The following SPTA1 variants were observed in gnomAD, a reference collection of about 807,000 sequenced individuals.
SPTA1 encodes the protein spectrin alpha chain, erythrocytic 1.
In SPTA1, 177 loss-of-function variants were observed where a neutral mutation model predicts 324.7. That is an observed-to-expected ratio of 0.55 (90% CI 0.48 to 0.62). The LOEUF is 0.62. SPTA1 is among the 20% of genes least tolerant of loss of function. SPTA1 has a pLI of 0.00. For missense variants in SPTA1, 3,162 were observed against 2,883.6 expected (o/e 1.10, Z -2.21); for synonymous variants, 1,195 against 1,041.3 (o/e 1.15, Z -2.84).
At chr1:158,647,403 T>C (rs568739781) in intron 27 of SPTA1, 136 bp downstream of exon 27, 4 of 1,099,752 alleles carry the variant, frequency 3.6e-6, no homozygotes, top group Non-Finnish European at 5.4e-6. Flanking sequence ...AACCTGAAAT[T>C]TTTTATGCCT....
intron 39 of SPTA1, among the ~76,000 whole-genome samples, chr1:158,628,742 AAAG>A (rs1213936918): frequency 2.6e-5 from 4 of 152,162 alleles, no homozygotes; most frequent in Admixed American, 2.6e-4. Flanking sequence ...TTCAAAAATA[AAAG>A]AAGAAACATT....
intron 12 of SPTA1, among the ~76,000 whole-genome samples, chr1:158,670,107 G>T (rs1194918092): frequency 6.6e-6 from 1 of 152,148 alleles, no homozygotes; most frequent in Non-Finnish European, 1.5e-5. Flanking sequence ...CCATGTCCAT[G>T]GCCAGTCTGT....
chr1:158,631,516 G>T (rs889554028), intron 39 of SPTA1, among the ~76,000 whole-genome samples: 5 of 152,008 alleles, frequency 3.3e-5, no homozygotes, highest in Admixed American at 2.6e-4. Context: ...CACACTGCTC[G>T]GGTGATAGGT....
Position 158,634,551 on chromosome 1 carries a change from C to A in SPTA1, c.5557G>T (p.Ala1853Ser), listed in dbSNP as rs779177728. 1 of 1,614,016 alleles carries A rather than the reference C, an allele frequency of 6.2e-7. No homozygotes were observed. The highest frequency in any genetic ancestry group is 8.5e-7 in the Non-Finnish European group (1 of 1,180,034). Reference protein sequence around the residue: ...VRGDCGDTLAATQSLLMKHEA... With the variant: ...VRGDCGDTLASTQSLLMKHEA... Reference sequence around the variant, plus strand: ...TTCTTCCTGTTCCTCACCTGAGTAGCAGCTAATGTATCTCCACAATCTCCT... The same window carrying A: ...TTCTTCCTGTTCCTCACCTGAGTAGAAGCTAATGTATCTCCACAATCTCCT... The change falls in exon 39 of 52, where the codon GCT becomes TCT. Residue 1853 changes from alanine (A) to serine (S), a missense_variant. Physicochemically the swap from Ala to Ser is moderately conservative, Grantham distance 99. Transcript: ENST00000643759.
rs201913251 is a variant in SPTA1 at position 158,671,344 on chromosome 1, A to G, written c.1598T>C (p.Ile533Thr). Residue 533 changes from isoleucine to threonine, a missense_variant and splice_region_variant, in exon 12 of 52, where the codon ATA becomes ACA. By Grantham distance (89) the Ile-to-Thr change is moderately conservative (BLOSUM62 -1). Coordinates refer to ENST00000643759, the MANE Select transcript of SPTA1 (RefSeq NM_003126.4). ...CCCAAACTAGGGCCAATTTCTTACT[A>G]TGATCTTCTCTTCCTGGGCAGTAAA... is the stretch of plus-strand genomic sequence containing the variant. ...EAFTAQEEKI[I>T]TVDKTATKLI... 64 of 1,613,054 alleles carry G rather than the reference A, an allele frequency of 4.0e-5. No individual in the cohort carries two copies. The highest frequency in any genetic ancestry group is 5.3e-5 in the African/African-American group (4 of 74,858).
intron 23 of SPTA1, 117 bp from the exon 24 acceptor site, chr1:158,651,585 C>A (rs1179321404): frequency 2.6e-6 from 2 of 755,296 alleles, no homozygotes; most frequent in East Asian, 5.0e-5. Context: ...CCGTAATACA[C>A]ACCAAGCTCC....
Position 158,636,708 on chromosome 1 carries a change from A to G in SPTA1, c.5243T>C (p.Val1748Ala). The G allele has an allele frequency of 1.9e-6, 3 of 1,613,608 alleles. No individual in the cohort carries two copies. Among genetic ancestry groups the G allele is most frequent in the Non-Finnish European group, 8.5e-7 (1 of 1,179,926 alleles). Residue 1748 changes from valine (V) to alanine (A), a missense_variant, in exon 37 of 52, where the codon GTT (valine) becomes GCT (alanine). Coordinates refer to ENST00000643759, the MANE Select transcript of SPTA1 (RefSeq NM_003126.4). ...SQDYGRDLQG[V>A]QNLLKKHKRL... ...TTTGTGCTTCTTCAGCAAGTTCTGA[A>G]CCCCCTGAAGATCTCTCCCATAGTC... is the stretch of plus-strand genomic sequence containing the variant.
intron 39 of SPTA1, among the ~76,000 whole-genome samples, chr1:158,628,678 G>A (rs1237464632): frequency 6.6e-6 from 1 of 152,078 alleles, no homozygotes; most frequent in African/African-American, 2.4e-5. Flanking sequence ...TATACTGCAT[G>A]AAATAAAGTA....
At chr1:158,677,475 TTAAA>T (rs1654465198) in intron 7 of SPTA1, among the ~76,000 whole-genome samples, 1 of 152,134 alleles carries the variant, frequency 6.6e-6, no homozygotes, top group Non-Finnish European at 1.5e-5. Flanking sequence ...ATGTGTATAT[TTAAA>T]TAAAAATAAT....
Position 158,648,495 on chromosome 1 carries a change from A to G in SPTA1, c.3714+14T>C. 1 of 1,613,856 alleles carries G rather than the reference A, an allele frequency of 6.2e-7. No individual in the cohort carries two copies. Among genetic ancestry groups the G allele is most frequent in the Non-Finnish European group, 8.5e-7 (1 of 1,179,828 alleles). ...CTGGAAAGTGTTGGAAAAGCTTTGA[A>G]GGACTTGTCTCACCTTATCTCCCAG... On this transcript the variant is annotated intron_variant, in intron 26 of 51. Coordinates refer to ENST00000643759, the MANE Select transcript of SPTA1 (RefSeq NM_003126.4).
At chr1:158,654,157 T>C (rs1413896027) in intron 21 of SPTA1, among the ~76,000 whole-genome samples, 1 of 152,228 alleles carries the variant, frequency 6.6e-6, no homozygotes, top group African/African-American at 2.4e-5. Flanking sequence ...ACCAATATTT[T>C]ATCACTGTTC....
intron 39 of SPTA1, among the ~76,000 whole-genome samples, chr1:158,632,175 A>G (rs557431510): frequency 6.6e-6 from 1 of 152,304 alleles, no homozygotes; most frequent in Admixed American, 6.5e-5. Flanking sequence ...ACATTACGCT[A>G]AGCAAAATAA....
chr1:158,622,771 GT>G, intron 43 of SPTA1: 1 of 525,432 alleles, frequency 1.9e-6, no homozygotes, highest in South Asian at 2.1e-5. Context: ...TCCATCTCAA[GT>G]TAGTTATGCA....
intron 12 of SPTA1, among the ~76,000 whole-genome samples, chr1:158,669,999 T>C (rs1653895757): frequency 6.6e-6 from 1 of 152,200 alleles, no homozygotes; most frequent in African/African-American, 2.4e-5. Flanking sequence ...TGTACCACAA[T>C]ATTTTTTAAA....
chr1:158,640,844 T>C (rs1164467355), intron 33 of SPTA1, among the ~76,000 whole-genome samples: 1 of 152,162 alleles, frequency 6.6e-6, no homozygotes, highest in East Asian at 1.9e-4. Flanking sequence ...AGAGCCTACA[T>C]TGCCAAGTCA....
chr1:158,616,389 T>G (rs1327222868), intron 47 of SPTA1, among the ~76,000 whole-genome samples: 2 of 152,096 alleles, frequency 1.3e-5, no homozygotes, highest in Non-Finnish European at 2.9e-5. Flanking sequence ...AATCAACCTC[T>G]CTTCATTCCT....
intron 39 of SPTA1, among the ~76,000 whole-genome samples, chr1:158,628,570 T>C (rs1307344134): frequency 2.0e-5 from 3 of 152,324 alleles, no homozygotes; most frequent in Admixed American, 6.5e-5. Context: ...ATTATGACTG[T>C]ATTACATTTT....
chr1:158,619,121 A>G, intron 45 of SPTA1, 101 bp downstream of exon 45: 2 of 1,134,614 alleles, frequency 1.8e-6, no homozygotes, highest in South Asian at 1.2e-5. Flanking sequence ...GGCAGAATAC[A>G]TGCTCTCAGA....
At chr1:158,680,828 A>G in intron 4 of SPTA1, 99 bp from the exon 5 acceptor site, 1 of 1,494,466 alleles carries the variant, frequency 6.7e-7, no homozygotes, top group South Asian at 1.1e-5. Flanking sequence ...GATAACTCAA[A>G]TGGAGATACT....
Sources: gnomAD v4.1 joint callset for allele counts (sites outside exome capture counted in the v4.1 genomes callset) on GRCh38, gnomAD v4.1.1 for gene constraint, MANE v1.5 for transcripts, NCBI Gene and HGNC (gene_info 2026-07-23, HGNC 2026-07-21) for gene names.